The following FBXL17 variants were observed in gnomAD, a reference collection of about 807,000 sequenced individuals.
The protein encoded by FBXL17 is F-box and leucine rich repeat protein 17, also known as F-box/LRR-repeat protein 17.
In FBXL17, 22 loss-of-function variants were observed where a neutral mutation model predicts 66.2. The observed-to-expected ratio is 0.33, with a 90% confidence interval of 0.24 to 0.47. The LOEUF is 0.47. Among genes scored for constraint, FBXL17 ranks in the 20% least tolerant of loss-of-function variants. The pLI, the probability that FBXL17 is intolerant of heterozygous loss-of-function variation, is 1.00. For missense variants in FBXL17, 878 were observed against 948.2 expected (o/e 0.93, Z 0.97); for synonymous variants, 474 against 400.5 (o/e 1.18, Z -2.19).
intron 6 of FBXL17, among the ~76,000 whole-genome samples, chr5:108,172,623 C>A (rs1752649319): frequency 6.6e-6 from 1 of 152,182 alleles, no homozygotes; most frequent in African/African-American, 2.4e-5. Context: ...TCTGCTGCTT[C>A]AGTCACAGAT....
intron 7 of FBXL17, among the ~76,000 whole-genome samples, chr5:107,908,208 C>T (rs1749827737): frequency 6.6e-6 from 1 of 152,178 alleles, no homozygotes; most frequent in Admixed American, 6.5e-5. Flanking sequence ...AAAAAGCAAA[C>T]AAATAACCAA....
chr5:108,121,295 TCC>T (rs1023021198), intron 6 of FBXL17, among the ~76,000 whole-genome samples: 3 of 151,798 alleles, frequency 2.0e-5, no homozygotes, highest in Non-Finnish European at 2.9e-5. Flanking sequence ...GCCACTGCCC[TCC>T]AGATTGGCAA....
intron 6 of FBXL17, among the ~76,000 whole-genome samples, chr5:108,056,243 C>T (rs1747705075): frequency 6.6e-6 from 1 of 152,050 alleles, no homozygotes; most frequent in Admixed American, 6.6e-5. Context: ...TAATAATTTC[C>T]CTGGCAACTG....
At chr5:108,002,525 G>A (rs572625728) in intron 7 of FBXL17, among the ~76,000 whole-genome samples, 1 of 152,068 alleles carries the variant, frequency 6.6e-6, no homozygotes, top group East Asian at 1.9e-4. Flanking sequence ...ACTTTTCCCA[G>A]GTATCTACCT....
chr5:108,276,305 T>C (rs1757480536), intron 4 of FBXL17, among the ~76,000 whole-genome samples: 1 of 152,204 alleles, frequency 6.6e-6, no homozygotes, highest in South Asian at 2.1e-4. Flanking sequence ...CTTGATGATC[T>C]ACACAACATT....
chr5:108,254,527 A>G (rs1273475893), intron 4 of FBXL17, among the ~76,000 whole-genome samples: 1 of 152,194 alleles, frequency 6.6e-6, no homozygotes, highest in Non-Finnish European at 1.5e-5. Context: ...TGTAGGCATC[A>G]TTTATTCCCA....
chr5:108,313,122 G>A (rs544213246), intron 4 of FBXL17, among the ~76,000 whole-genome samples: 27 of 152,076 alleles, frequency 1.8e-4, no homozygotes, highest in Non-Finnish European at 1.2e-4. Flanking sequence ...CTTAGCCATC[G>A]AAGAAATAAC....
intron 7 of FBXL17, among the ~76,000 whole-genome samples, chr5:107,917,253 C>G (rs907440689): frequency 3.3e-5 from 5 of 152,140 alleles, no homozygotes; most frequent in Non-Finnish European, 5.9e-5. Flanking sequence ...TCTAAGATTA[C>G]TGAGGGTTTA....
chr5:108,373,207 T>C (rs1373433064), intron 1 of FBXL17, among the ~76,000 whole-genome samples: 2 of 110,088 alleles, frequency 1.8e-5, no homozygotes, highest in Non-Finnish European at 4.0e-5. Flanking sequence ...ATATAACATA[T>C]CTAAATATAT....
chr5:108,048,038 C>A (rs1227913824), intron 6 of FBXL17, among the ~76,000 whole-genome samples: 1 of 152,200 alleles, frequency 6.6e-6, no homozygotes, highest in East Asian at 1.9e-4. Context: ...AAGAGCGATC[C>A]TACTCGCATC....
intron 4 of FBXL17, among the ~76,000 whole-genome samples, chr5:108,257,315 T>A (rs1756618634): frequency 6.6e-6 from 1 of 152,170 alleles, no homozygotes; most frequent in African/African-American, 2.4e-5. Context: ...ATAAGTTGAT[T>A]TCTGATTACT....
At chr5:108,154,896 C>A (rs1425024419) in intron 6 of FBXL17, among the ~76,000 whole-genome samples, 1 of 151,486 alleles carries the variant, frequency 6.6e-6, no homozygotes, top group Non-Finnish European at 1.5e-5. Flanking sequence ...AAAATGAAGT[C>A]AAGAAACGGG....
At chr5:108,160,269 G>T (rs1752159611) in intron 6 of FBXL17, among the ~76,000 whole-genome samples, 1 of 152,184 alleles carries the variant, frequency 6.6e-6, no homozygotes, top group South Asian at 2.1e-4. Flanking sequence ...ACCACGATTA[G>T]ATTTATATGT....
Position 108,380,796 on chromosome 5 carries a change from T to C in FBXL17, c.896A>G (p.Asp299Gly), listed in dbSNP as rs1240927325. Reference protein sequence around the residue: ...AQQQHECGDADCRESPENPCD... With the variant: ...AQQQHECGDAGCRESPENPCD... ...GGGGTTTTCGGGGGACTCCCGACAG[T>C]CCGCGTCGCCACATTCATGCTGCTG... The change falls in exon 1 of 9, where the codon GAC becomes GGC. Residue 299 changes from aspartate to glycine, a missense_variant. By Grantham distance (94) the Asp-to-Gly change is moderately conservative. Coordinates refer to ENST00000542267, the MANE Select transcript of FBXL17 (RefSeq NM_001163315.3). 1.6e-6 allele frequency: 2 copies of C among 1,247,802 alleles called. No homozygotes were observed. Among genetic ancestry groups the C allele is most frequent in the Non-Finnish European group, 2.0e-6 (2 of 987,984 alleles). 77.3% of individuals were successfully genotyped at this position (1,247,802 alleles called of 1,614,324 possible). A position where few individuals can be genotyped will look rare whatever the true frequency, so the allele number is the denominator to read the frequency against.
At chr5:108,292,361 T>C (rs1407363976) in intron 4 of FBXL17, among the ~76,000 whole-genome samples, 1 of 152,018 alleles carries the variant, frequency 6.6e-6, no homozygotes, top group Non-Finnish European at 1.5e-5. Flanking sequence ...CCTCAGGTGA[T>C]TCACCTGCCT....
At chr5:108,176,710 ATAGTAAG>A (rs1019181004) in intron 6 of FBXL17, among the ~76,000 whole-genome samples, 1 of 152,148 alleles carries the variant, frequency 6.6e-6, no homozygotes, top group Non-Finnish European at 1.5e-5. Context: ...CTGGTGTTAC[ATAGTAAG>A]TAGTATTTCC....
intron 5 of FBXL17, among the ~76,000 whole-genome samples, chr5:108,219,645 T>C (rs1184516277): frequency 1.3e-5 from 2 of 152,078 alleles, no homozygotes; most frequent in East Asian, 3.9e-4. Context: ...CAAGATCCCA[T>C]TACACTCCAG....
intron 4 of FBXL17, among the ~76,000 whole-genome samples, chr5:108,328,845 G>C (rs769526795): frequency 1.3e-5 from 2 of 151,782 alleles, no homozygotes; most frequent in Admixed American, 6.6e-5. Context: ...TGACTGAAGA[G>C]ATACTCTAAC....
chr5:108,100,466 T>C (rs1284150103), intron 6 of FBXL17, among the ~76,000 whole-genome samples: 1 of 152,136 alleles, frequency 6.6e-6, no homozygotes, highest in Non-Finnish European at 1.5e-5. Flanking sequence ...TCCCAAAAAT[T>C]ATGTTGTTAT....
Sources: gnomAD v4.1 joint callset for allele counts (sites outside exome capture counted in the v4.1 genomes callset) on GRCh38, gnomAD v4.1.1 for gene constraint, MANE v1.5 for transcripts, NCBI Gene and HGNC (gene_info 2026-07-23, HGNC 2026-07-21) for gene names.